The following HECW2 variants were observed in gnomAD, a reference collection of about 807,000 sequenced individuals.
HECW2 encodes HECT, C2 and WW domain containing E3 ubiquitin protein ligase 2.
A neutral mutation model predicts 175.2 loss-of-function variants in HECW2; 61 were observed. That is an observed-to-expected ratio of 0.35 (90% CI 0.28 to 0.43). The LOEUF is 0.43. HECW2 is among the 20% of genes least tolerant of loss of function. The pLI, the probability that HECW2 is intolerant of heterozygous loss-of-function variation, is 1.00. For missense variants in HECW2, 1,524 were observed against 2,000.5 expected, an observed-to-expected ratio of 0.76 and a Z score of 4.54; for synonymous variants, 671 against 731.0, an observed-to-expected ratio of 0.92 and a Z score of 1.32.
Position 196,319,407 on chromosome 2 carries a change from A to G in HECW2, c.1483T>C (p.Ser495Pro). The G allele has an allele frequency of 1.2e-6, 2 of 1,613,988 alleles. No individual in the cohort carries two copies. Among genetic ancestry groups the G allele is most frequent in the African/African-American group, 2.7e-5 (2 of 75,052 alleles). Residue 495 changes from serine to proline, a missense_variant, in exon 9 of 29, where the codon TCC (serine) becomes CCC (proline). Coordinates refer to ENST00000644978, the MANE Select transcript of HECW2 (RefSeq NM_001348768.2). The part of the protein sequence containing the change: ...EGGLIMFSRA[S>P]RADDGSLTSQ... ...GTCAGGCTTCCATCATCAGCTCTGGATGCCCTGCTAAACATGATCAGGCCT... is the reference window on the plus strand; with the variant it reads ...GTCAGGCTTCCATCATCAGCTCTGGGTGCCCTGCTAAACATGATCAGGCCT...
chr2:196,587,792 G>T (rs1205551394), intron 1 of HECW2, among the ~76,000 whole-genome samples: 1 of 152,132 alleles, frequency 6.6e-6, no homozygotes, highest in African/African-American at 2.4e-5. Context: ...AAGAACATAA[G>T]GGGATGTCTG....
intron 1 of HECW2, among the ~76,000 whole-genome samples, chr2:196,529,589 G>A (rs1688776587): frequency 6.6e-6 from 1 of 152,158 alleles, no homozygotes; most frequent in Non-Finnish European, 1.5e-5. Flanking sequence ...ACATTGTTAT[G>A]AATAGATGGC....
At chr2:196,257,569 A>T (rs1689111354) in intron 18 of HECW2, among the ~76,000 whole-genome samples, 1 of 152,160 alleles carries the variant, frequency 6.6e-6, no homozygotes, top group South Asian at 2.1e-4. Context: ...ATTCATTACA[A>T]CCTTTCCCTT....
intron 28 of HECW2, among the ~76,000 whole-genome samples, chr2:196,215,481 A>T (rs1384988588): frequency 6.6e-6 from 1 of 152,206 alleles, no homozygotes; most frequent in African/African-American, 2.4e-5. Flanking sequence ...ACATTATCTA[A>T]TATCCTTTAG....
intron 2 of HECW2, among the ~76,000 whole-genome samples, chr2:196,418,461 A>C (rs1695317653): frequency 6.6e-6 from 1 of 152,150 alleles, no homozygotes; most frequent in Non-Finnish European, 1.5e-5. Flanking sequence ...AATAATCTCA[A>C]AACAGCACTT....
intron 17 of HECW2, chr2:196,260,352 C>T (rs1036476915): frequency 3.9e-5 from 6 of 152,132 alleles, no homozygotes. Context: ...TGGAACATGT[C>T]GTCTGATGTA....
At chr2:196,517,770 C>T (rs1688202853) in intron 1 of HECW2, among the ~76,000 whole-genome samples, 1 of 152,168 alleles carries the variant, frequency 6.6e-6, no homozygotes, top group African/African-American at 2.4e-5. Flanking sequence ...AAGGTAAAAA[C>T]TTAGGAAAAT....
chr2:196,268,542 T>C (rs958225397), intron 17 of HECW2, among the ~76,000 whole-genome samples: 2 of 152,222 alleles, frequency 1.3e-5, no homozygotes, highest in African/African-American at 4.8e-5. Context: ...TCTGTTAAGA[T>C]TCTGTCAAGT....
At chr2:196,509,785 A>C (rs577321456) in intron 1 of HECW2, among the ~76,000 whole-genome samples, 31 of 152,202 alleles carry the variant, frequency 2.0e-4, no homozygotes, top group Non-Finnish European at 4.6e-4. Context: ...TGTAAAAATG[A>C]CTTCCAGGGT....
In HECW2 at chr2:196,433,471, G is replaced by A; in HGVS notation, c.-35-13C>T. The stretch of plus-strand genomic sequence containing the variant: ...GCTGCCTACAAAGCTGCAAGAGACA[G>A]ATAAACATAAAACATTAGTGCTACA... On this transcript the variant is annotated splice_polypyrimidine_tract_variant and intron_variant, in intron 1 of 28. Transcript: ENST00000644978. The A allele has an allele frequency of 1.3e-6, 2 of 1,569,080 alleles. No individual in the cohort carries two copies. The highest frequency in any genetic ancestry group is 1.7e-6 in the Non-Finnish European group (2 of 1,155,474).
At position 196,496,151 on chromosome 2, in the gene HECW2, T is replaced by C. The variant is rs77668621; in HGVS notation, c.-35-62693A>G. On this transcript the variant is annotated intron_variant, in intron 1 of 28. Transcript: ENST00000644978. ...GAAAATACTAATTCTAGATCTGCTT[T>C]AAAAAAATTGGCTGAAACTCTACAG... Among the ~76,000 whole-genome samples the C allele has an allele frequency of 3.9e-3, 598 of 152,078 alleles. 11 individuals are homozygous for C. The highest frequency in any genetic ancestry group is 0.038 in the East Asian group (195 of 5,184).
At chr2:196,541,693 G>T (rs1424519446) in intron 1 of HECW2, among the ~76,000 whole-genome samples, 1 of 151,542 alleles carries the variant, frequency 6.6e-6, no homozygotes, top group East Asian at 1.9e-4. Flanking sequence ...TGCTTTAACT[G>T]GTTACATTTA....
chr2:196,313,158 C>G (rs1192323154), intron 10 of HECW2, among the ~76,000 whole-genome samples: 1 of 152,102 alleles, frequency 6.6e-6, no homozygotes, highest in African/African-American at 2.4e-5. Flanking sequence ...CATATTGTCT[C>G]CAATGCAGCA....
At chr2:196,243,447 G>C (rs1688537648) in intron 19 of HECW2, among the ~76,000 whole-genome samples, 1 of 152,132 alleles carries the variant, frequency 6.6e-6, no homozygotes, top group African/African-American at 2.4e-5. Context: ...GATTACTGGT[G>C]TGAGCCACTG....
At position 196,237,186 on chromosome 2, in the gene HECW2, A is replaced by T. The variant is rs78601028; in HGVS notation, c.3764+3263T>A. On this transcript the variant is annotated intron_variant, in intron 21 of 28. Transcript: ENST00000644978. The stretch of plus-strand genomic sequence containing the variant: ...TTGAGAGCAGTGATTCTTTTTTTTT[A>T]AATTGTTATTCTTGTTTATTTCAAT... Among the ~76,000 whole-genome samples the T allele has an allele frequency of 8.8e-3, 1,337 of 151,616 alleles. 24 individuals are homozygous for T. Among genetic ancestry groups the T allele is most frequent in the African/African-American group, 0.031 (1,292 of 41,092 alleles).
At chr2:196,422,421 C>G (rs1229592448) in intron 2 of HECW2, among the ~76,000 whole-genome samples, 1 of 152,088 alleles carries the variant, frequency 6.6e-6, no homozygotes, top group Non-Finnish European at 1.5e-5. Context: ...GAGTTTCCAG[C>G]TCTCTCTTCC....
At chr2:196,278,429 AG>A (rs1252684940) in intron 15 of HECW2, 98 bp downstream of exon 15, 84 of 1,373,694 alleles carry the variant, frequency 6.1e-5, no homozygotes, top group Admixed American at 1.9e-4. Context: ...AAAAAAAAAA[AG>A]AAAAAATGCT....
At chr2:196,208,712 T>C (rs13419797) in intron 28 of HECW2, among the ~76,000 whole-genome samples, 37,035 of 152,080 alleles carry the variant, frequency 0.24, 7,351 homozygotes, top group African/African-American at 0.55. Flanking sequence ...TCCCTGAGCC[T>C]TGAAGCATAA....
chr2:196,434,116 C>G (rs6740896), intron 1 of HECW2, among the ~76,000 whole-genome samples: 1 of 152,172 alleles, frequency 6.6e-6, no homozygotes, highest in Non-Finnish European at 1.5e-5. Flanking sequence ...TTATTGTCTA[C>G]TTCCCCTGAC....
Sources: gnomAD v4.1 joint callset for allele counts (sites outside exome capture counted in the v4.1 genomes callset) on GRCh38, gnomAD v4.1.1 for gene constraint, MANE v1.5 for transcripts, NCBI Gene and HGNC (gene_info 2026-07-23, HGNC 2026-07-21) for gene names.